GRB14: variants seen among roughly 807,000 people sequenced by gnomAD.
GRB14 encodes the protein growth factor receptor bound protein 14.
In GRB14, 38 loss-of-function variants were observed where a neutral mutation model predicts 69.1. That is an observed-to-expected ratio of 0.55 (90% CI 0.42 to 0.72). GRB14 has a LOEUF of 0.72. Ranked by LOEUF, GRB14 falls within the 30% of genes least tolerant of loss-of-function variation. The pLI, the probability that GRB14 is intolerant of heterozygous loss-of-function variation, is 0.00. For missense variants in GRB14, 666 were observed against 666.1 expected (o/e 1.00, Z 0.00); for synonymous variants, 247 against 241.3 (o/e 1.02, Z -0.22).
At chr2:164,537,981 A>C (rs527864541) in intron 3 of GRB14, among the ~76,000 whole-genome samples, 18 of 152,048 alleles carry the variant, frequency 1.2e-4, no homozygotes, top group Non-Finnish European at 1.6e-4. Context: ...GAAGAGGAAA[A>C]ACACTTGTAC....
At chr2:164,503,054 CT>C in intron 8 of GRB14, among the ~76,000 whole-genome samples, 1 of 151,238 alleles carries the variant, frequency 6.6e-6, no homozygotes, top group South Asian at 2.1e-4. Context: ...TGGATTATAA[CT>C]GGATTATTAG....
intron 2 of GRB14, among the ~76,000 whole-genome samples, chr2:164,607,137 A>T (rs1344974595): frequency 6.6e-6 from 1 of 152,026 alleles, no homozygotes; most frequent in Non-Finnish European, 1.5e-5. Flanking sequence ...ACAATATCAG[A>T]CTCTTCCTGG....
At chr2:164,494,990 C>T (rs1301604284) in intron 12 of GRB14, among the ~76,000 whole-genome samples, 2 of 151,932 alleles carry the variant, frequency 1.3e-5, no homozygotes, top group Non-Finnish European at 2.9e-5. Flanking sequence ...CTCGCTCTGT[C>T]ACCCAGGCTG....
intron 2 of GRB14, among the ~76,000 whole-genome samples, chr2:164,602,094 A>C (rs1414185207): frequency 4.0e-5 from 6 of 151,520 alleles, no homozygotes; most frequent in African/African-American, 1.5e-4. Flanking sequence ...TTTATAAAAC[A>C]AAACACTTTT....
chr2:164,618,554 T>C (rs1045136484), intron 2 of GRB14, among the ~76,000 whole-genome samples: 8 of 152,174 alleles, frequency 5.3e-5, no homozygotes, highest in African/African-American at 1.7e-4. Flanking sequence ...GAAAAATTTA[T>C]TCCCATTTTC....
intron 3 of GRB14, among the ~76,000 whole-genome samples, chr2:164,536,995 G>A (rs964721440): frequency 2.6e-5 from 4 of 152,108 alleles, no homozygotes; most frequent in African/African-American, 4.8e-5. Flanking sequence ...GAGTACGGAC[G>A]GTGGCAGCAA....
chr2:164,552,772 T>G (rs1310417786), intron 2 of GRB14, among the ~76,000 whole-genome samples: 1 of 152,182 alleles, frequency 6.6e-6, no homozygotes, highest in Non-Finnish European at 1.5e-5. Flanking sequence ...CCACTGCTCT[T>G]AAGGATATAT....
intron 2 of GRB14, among the ~76,000 whole-genome samples, chr2:164,616,814 TGA>T (rs1423708583): frequency 6.6e-6 from 1 of 152,210 alleles, no homozygotes; most frequent in Non-Finnish European, 1.5e-5. Flanking sequence ...ACAGGACAAA[TGA>T]GAGAGAATAT....
chr2:164,596,894 T>TA (rs1689794940), intron 2 of GRB14, among the ~76,000 whole-genome samples: 4 of 151,994 alleles, frequency 2.6e-5, no homozygotes, highest in Non-Finnish European at 5.9e-5. Context: ...TCATTTGTCA[T>TA]CAAAAAACCA....
rs2105366504 is a variant in GRB14, at chr2:164,619,740, T to C, written c.271A>G (p.Thr91Ala). Reference sequence around the variant, plus strand: ...AATAGGTCTGCTGACAACACAGATGTAAATGGAGAACAGCATAGCTCAGGA... The same window carrying C: ...AATAGGTCTGCTGACAACACAGATGCAAATGGAGAACAGCATAGCTCAGGA... ...PFPELCCSPF[T>A]SVLSADLFPK... Residue 91 changes from threonine (T) to alanine (A), a missense_variant, in exon 2 of 14, where the codon ACA (threonine) becomes GCA (alanine). By Grantham distance (58) the Thr-to-Ala change is moderately conservative. Coordinates refer to ENST00000263915, the MANE Select transcript of GRB14 (RefSeq NM_004490.3). 6.2e-7 allele frequency: 1 copy of C among 1,605,236 alleles called. No homozygotes were observed.
chr2:164,582,654 C>T (rs893095693), intron 2 of GRB14, among the ~76,000 whole-genome samples: 4 of 152,070 alleles, frequency 2.6e-5, no homozygotes, highest in South Asian at 2.1e-4. Flanking sequence ...CTCCTGACTG[C>T]GTGATCCACT....
intron 6 of GRB14, among the ~76,000 whole-genome samples, chr2:164,514,143 G>C (rs989210763): frequency 6.6e-6 from 1 of 152,154 alleles, no homozygotes; most frequent in Non-Finnish European, 1.5e-5. Context: ...AATTTACAAT[G>C]TATGTAAGGA....
At chr2:164,524,589 C>T (rs1687720769) in intron 5 of GRB14, among the ~76,000 whole-genome samples, 1 of 151,938 alleles carries the variant, frequency 6.6e-6, no homozygotes. Context: ...CATTTATTTG[C>T]TAAACATTTT....
intron 2 of GRB14, among the ~76,000 whole-genome samples, chr2:164,595,694 G>A (rs536672988): frequency 6.6e-6 from 1 of 152,290 alleles, no homozygotes; most frequent in South Asian, 2.1e-4. Flanking sequence ...ATGAATATCA[G>A]GTTCAGATTT....
intron 2 of GRB14, among the ~76,000 whole-genome samples, chr2:164,585,085 C>CTTTTTTTT (rs146962375): frequency 3.7e-5 from 2 of 54,386 alleles, no homozygotes; most frequent in African/African-American, 1.5e-4. Context: ...CCATGCCTGG[C>CTTTTTTTT]TTTTTTTTTT....
At chr2:164,560,948 G>A (rs1377123094) in intron 2 of GRB14, among the ~76,000 whole-genome samples, 1 of 152,104 alleles carries the variant, frequency 6.6e-6, no homozygotes, top group East Asian at 1.9e-4. Context: ...TTTAGAATCT[G>A]AAATTACCAA....
intron 3 of GRB14, among the ~76,000 whole-genome samples, chr2:164,533,404 T>C (rs1388711920): frequency 6.6e-6 from 1 of 151,558 alleles, no homozygotes; most frequent in Non-Finnish European, 1.5e-5. Context: ...GGCTAATTTT[T>C]CCTATTTTTA....
At chr2:164,588,714 A>G (rs1411022373) in intron 2 of GRB14, among the ~76,000 whole-genome samples, 1 of 152,164 alleles carries the variant, frequency 6.6e-6, no homozygotes, top group African/African-American at 2.4e-5. Context: ...CTCATTCTCA[A>G]TTGTTTAAAA....
At chr2:164,585,134 G>A (rs185350848) in intron 2 of GRB14, among the ~76,000 whole-genome samples, 3 of 93,670 alleles carry the variant, frequency 3.2e-5, no homozygotes, top group Non-Finnish European at 5.8e-5. Flanking sequence ...TTTTAGTAGA[G>A]ATGGGGTTTT....
Sources: gnomAD v4.1 joint callset for allele counts (sites outside exome capture counted in the v4.1 genomes callset) on GRCh38, gnomAD v4.1.1 for gene constraint, MANE v1.5 for transcripts, NCBI Gene and HGNC (gene_info 2026-07-23, HGNC 2026-07-21) for gene names.